The following NBPF26 variants were observed in gnomAD, a reference collection of about 807,000 sequenced individuals.
NBPF26 encodes NBPF member 26.
NBPF26 carries 79 observed loss-of-function variants against 119.6 expected under a neutral mutation model. That is an observed-to-expected ratio of 0.66 (90% CI 0.55 to 0.80). The LOEUF is 0.80. Among genes scored for constraint, NBPF26 ranks in the 30% least tolerant of loss-of-function variants. The pLI is 0.00. For synonymous variants in NBPF26, 299 were observed against 457.7 expected (o/e 0.65, Z 4.43); for missense variants, 800 against 1,198.2 (o/e 0.67, Z 4.91).
rs1462100772 is a variant in NBPF26 at position 120,762,466 on chromosome 1, G to A, written c.74-1162G>A. On this transcript the variant is annotated intron_variant, in intron 1 of 29. Coordinates refer to ENST00000620612, the Ensembl canonical transcript of NBPF26. ...GTGGCCAGGGATGGCCAGGCCTAGC[G>A]TCTCTCTGATCTTGCACAATTTATG... Among the ~76,000 whole-genome samples, 22 of 107,192 alleles carry A rather than the reference G, an allele frequency of 2.1e-4. 5 individuals are homozygous for A. The highest frequency in any genetic ancestry group is 7.8e-4 in the African/African-American group (15 of 19,288). The allele number at this position is 107,192 out of a possible 152,430, so 70.3% of individuals were successfully genotyped here. A position where few individuals can be genotyped will look rare whatever the true frequency, so the allele number is the denominator to read the frequency against.
intron 5 of NBPF26, among the ~76,000 whole-genome samples, chr1:120,806,129 G>A (rs1399771836): frequency 9.0e-6 from 1 of 111,112 alleles, no homozygotes; most frequent in African/African-American, 4.7e-5. Flanking sequence ...AAATGTCTAG[G>A]ACTAGTGAAC....
rs1650881909 is a variant in NBPF26 at position 120,733,132 on chromosome 1, T to A, written c.73+8882T>A. On this transcript the variant is annotated intron_variant, in intron 1 of 29. Coordinates refer to ENST00000620612, the Ensembl canonical transcript of NBPF26. ...TTATTTTTATATATATATATATATA[T>A]GTTTAGTTTATGAACAGATCTACAT... is the stretch of plus-strand genomic sequence containing the variant. Among the ~76,000 whole-genome samples, 2 of 92,636 alleles carry A rather than the reference T, an allele frequency of 2.2e-5. 1 individual carries two copies. Among genetic ancestry groups the A allele is most frequent in the East Asian group, 4.9e-4 (2 of 4,080 alleles). 60.8% of individuals were successfully genotyped at this position (92,636 alleles called of 152,430 possible).
chr1:120,806,365 C>T lies in NBPF26; in HGVS notation c.961+600C>T, dbSNP rs1334573448. On this transcript the variant is annotated intron_variant, in intron 5 of 29. Transcript: ENST00000620612. ...ATCTCAGCACTTTGGGAGGCTGAGG[C>T]GGGCAGAGCACGAGGTCAGCAGTTT... Among the ~76,000 whole-genome samples the T allele has an allele frequency of 4.0e-4, 44 of 108,832 alleles. 11 individuals carry two copies. The highest frequency in any genetic ancestry group is 1.7e-3 in the African/African-American group (35 of 21,064). 71.4% of individuals were successfully genotyped at this position (108,832 alleles called of 152,430 possible). A position where few individuals can be genotyped will look rare whatever the true frequency, so the allele number is the denominator to read the frequency against.
rs1162909917 is a variant in NBPF26 at position 120,789,430 on chromosome 1, G to A, written c.416-3731G>A. Among the ~76,000 whole-genome samples the A allele has an allele frequency of 1.0e-4, 11 of 107,566 alleles. 1 individual carries two copies. Among genetic ancestry groups the A allele is most frequent in the Non-Finnish European group, 1.9e-4 (11 of 57,702 alleles). 70.6% of individuals were successfully genotyped at this position (107,566 alleles called of 152,430 possible). On this transcript the variant is annotated intron_variant, in intron 3 of 29. Coordinates refer to ENST00000620612, the Ensembl canonical transcript of NBPF26. ...GTTCCATATGGCTGGGGAGGCCTCAGAATTATGGTGGGAGGCAAAAGGCAC... is the reference window on the plus strand; with the variant it reads ...GTTCCATATGGCTGGGGAGGCCTCAAAATTATGGTGGGAGGCAAAAGGCAC...
intron 5 of NBPF26, among the ~76,000 whole-genome samples, chr1:120,807,399 G>C (rs1651724726): frequency 8.0e-6 from 1 of 124,336 alleles, no homozygotes; most frequent in Non-Finnish European, 1.6e-5. Flanking sequence ...ATGCGCCCTT[G>C]AGTTTCTCTT....
downstream of NBPF26, chr1:120,840,742 G>T (rs1349774617): frequency 2.6e-6 from 3 of 1,141,510 alleles, no homozygotes; most frequent in East Asian, 2.4e-5. Context: ...AACCATGCCA[G>T]TGGCAACCTG....
chr1:120,783,831 A>G (rs1651393071), intron 2 of NBPF26, among the ~76,000 whole-genome samples: 9 of 111,074 alleles, frequency 8.1e-5, no homozygotes, highest in Non-Finnish European at 1.7e-5. Flanking sequence ...AGGGAGTCAT[A>G]GAAGCCAAGG....
chr1:120,805,495 T>C, intron 4 of NBPF26, 61 bp from the exon 5 acceptor site: 7 of 1,327,768 alleles, frequency 5.3e-6, no homozygotes, highest in Non-Finnish European at 7.3e-6. Context: ...TCAGTCCTGA[T>C]TAAACCGATT....
At chr1:120,840,705 G>C, downstream of NBPF26, 1 of 1,253,154 alleles carries the variant, frequency 8.0e-7, no homozygotes, top group Non-Finnish European at 1.1e-6. Flanking sequence ...GGATGGTTCA[G>C]TGGGCATGGC....
chr1:120,838,546 G>T (rs1652451316), intron 27 of NBPF26, among the ~76,000 whole-genome samples, 199 bp from the exon 34 acceptor site: 3 of 79,468 alleles, frequency 3.8e-5, no homozygotes, highest in Non-Finnish European at 6.8e-5. Context: ...GTGTGTGTGT[G>T]TCTATCTGTC....
Position 120,813,178 on chromosome 1 carries a change from T to C in NBPF26, c.1775-713T>C, listed in dbSNP as rs1553271227. On this transcript the variant is annotated intron_variant, in intron 10 of 29. Coordinates refer to ENST00000620612, the Ensembl canonical transcript of NBPF26. ...TCAGTTTCCTCACCTGTTCAGAGGG[T>C]ACTACAATAATACCTACCTCTGTAA... Among the ~76,000 whole-genome samples, 1,147 of 117,318 alleles carry C rather than the reference T, an allele frequency of 9.8e-3. 51 individuals are homozygous for C. Among genetic ancestry groups the C allele is most frequent in the East Asian group, 0.035 (153 of 4,394 alleles). 77.0% of individuals were successfully genotyped at this position (117,318 alleles called of 152,430 possible).
chr1:120,812,784 G>A (rs1366738727), intron 10 of NBPF26, among the ~76,000 whole-genome samples: 8 of 87,770 alleles, frequency 9.1e-5, no homozygotes, highest in African/African-American at 3.6e-4. Context: ...GTAGATGGGC[G>A]TGGTGGCAGG....
At chr1:120,813,394 C>T (rs1293995717) in intron 10 of NBPF26, among the ~76,000 whole-genome samples, 2 of 127,374 alleles carry the variant, frequency 1.6e-5, no homozygotes, top group Non-Finnish European at 3.2e-5. Flanking sequence ...AGATATGATT[C>T]TTAAAATCAT....
At chr1:120,814,699 C>A (rs1651966150) in intron 11 of NBPF26, 130 bp from the exon 12 acceptor site, 1 of 657,826 alleles carries the variant, frequency 1.5e-6, no homozygotes, top group Non-Finnish European at 2.7e-6. Flanking sequence ...ACAGACATTC[C>A]TTTAAACATG....
At position 120,768,136 on chromosome 1, in the gene NBPF26, G is replaced by A. The variant is rs1351626074; in HGVS notation, c.155+4427G>A. Among the ~76,000 whole-genome samples the A allele has an allele frequency of 1.3e-4, 14 of 107,936 alleles. 3 individuals are homozygous for A. The South Asian group carries it at 3.1e-3, about 24-fold the overall frequency. 70.8% of individuals were successfully genotyped at this position (107,936 alleles called of 152,430 possible). ...CTATGGATGCTAGGTTTTAGGACAC[G>A]TTAGGGTGGGCCTACTTCTGTTCTG... On this transcript the variant is annotated intron_variant, in intron 2 of 29. Coordinates refer to ENST00000620612, the Ensembl canonical transcript of NBPF26.
At position 120,785,072 on chromosome 1, in the gene NBPF26, TGGGGAAAGCCACGTGCC is replaced by T. The variant is rs1480680438; in HGVS notation, c.257_273del (p.Gly86ValfsTer39). ...GGGACTTGTGTGGCCCAGGCCATGC[TGGGGAAAGCCACGTGCC>T]GGTGTGCCTCAGGGTTTACAGGAGA... On this transcript the variant is annotated frameshift_variant, in exon 3 of 30. Coordinates refer to ENST00000620612, the Ensembl canonical transcript of NBPF26. LOFTEE classifies it high-confidence loss of function. The T allele has an allele frequency of 6.9e-7, 1 of 1,445,816 alleles. No homozygotes were observed. Among genetic ancestry groups the T allele is most frequent in the East Asian group, 2.3e-5 (1 of 42,880 alleles). 89.6% of individuals were successfully genotyped at this position (1,445,816 alleles called of 1,614,324 possible).
In NBPF26 at chr1:120,802,373, C is replaced by G. The variant is rs1363467336; in HGVS notation, c.752-3183C>G. On this transcript the variant is annotated intron_variant, in intron 4 of 29. Coordinates refer to ENST00000620612, the Ensembl canonical transcript of NBPF26. ...ACATCATTCCAAAGCCAAAACACAACAGCAGGACAAGAAGATTTTCAAGGC... is the reference window on the plus strand; with the variant it reads ...ACATCATTCCAAAGCCAAAACACAAGAGCAGGACAAGAAGATTTTCAAGGC... 5.5e-5 allele frequency among the ~76,000 whole-genome samples: 7 copies of G among 126,222 alleles called. 3 individuals carry two copies. The highest frequency in any genetic ancestry group is 2.6e-4 in the African/African-American group (7 of 26,838). The allele number at this position is 126,222 out of a possible 152,430, so 82.8% of individuals were successfully genotyped here.
chr1:120,728,635 C>A lies in NBPF26; in HGVS notation c.73+4385C>A, dbSNP rs1361252831. ...TGTTATTTTGTCCAGAATAGCCACA[C>A]CTTACTGTAATTTCATCATTTTGGG... is the stretch of plus-strand genomic sequence containing the variant. On this transcript the variant is annotated intron_variant, in intron 1 of 29. Coordinates refer to ENST00000620612, the Ensembl canonical transcript of NBPF26. 1.1e-4 allele frequency among the ~76,000 whole-genome samples: 13 copies of A among 117,268 alleles called. 4 individuals are homozygous for A. The highest frequency in any genetic ancestry group is 3.0e-4 in the African/African-American group (6 of 20,180). 76.9% of individuals were successfully genotyped at this position (117,268 alleles called of 152,430 possible).
At chr1:120,752,587 T>TTC (rs1651036693) in intron 1 of NBPF26, among the ~76,000 whole-genome samples, 3 of 40,234 alleles carry the variant, frequency 7.5e-5, no homozygotes, top group African/African-American at 2.6e-4. Flanking sequence ...TTTTTTTTTT[T>TTC]TCAGGCAGAG....
Sources: allele counts gnomAD v4.1 joint callset (sites outside exome capture counted in the v4.1 genomes callset), GRCh38; gene constraint gnomAD v4.1.1; transcripts MANE v1.5; gene names NCBI Gene and HGNC (gene_info 2026-07-23, HGNC 2026-07-21).